Variants in OSBPL10 observed in about 807,000 individuals in gnomAD.
OSBPL10 encodes the protein oxysterol-binding protein-related protein 10.
In OSBPL10, 49 loss-of-function variants were observed where a neutral mutation model predicts 81.7. The observed-to-expected ratio is 0.60, with a 90% confidence interval of 0.48 to 0.76. The LOEUF (loss-of-function observed/expected upper bound fraction) is 0.76. OSBPL10 is among the 30% of genes least tolerant of loss of function. The pLI is 0.00. For missense variants in OSBPL10, 923 were observed against 987.8 expected, an observed-to-expected ratio of 0.93 and a Z score of 0.88; for synonymous variants, 419 against 383.6, an observed-to-expected ratio of 1.09 and a Z score of -1.08.
At position 32,063,517 on chromosome 3, in the gene OSBPL10, A is replaced by C. The variant is rs1441680930; in HGVS notation, n.185+13879T>G. Among the ~76,000 whole-genome samples, 2 of 92,426 alleles carry C rather than the reference A, an allele frequency of 2.2e-5. 1 individual carries two copies. The highest frequency in any genetic ancestry group is 5.0e-4 in the East Asian group (2 of 3,998). 60.6% of individuals were successfully genotyped at this position (92,426 alleles called of 152,430 possible). A position where few individuals can be genotyped will look rare whatever the true frequency, so the allele number is the denominator to read the frequency against. On this transcript the variant is annotated intron_variant and non_coding_transcript_variant, in intron 1 of 3. Transcript: ENST00000479173. ...CTCGTCAAATTTTTAAGGAAGATTC[A>C]GTGCAAATTTGGCCCTGGGCTATCA...
chr3:31,981,263 G>T (rs1472285546), upstream of OSBPL10: 7 of 1,304,366 alleles, frequency 5.4e-6, no homozygotes, highest in East Asian at 1.6e-4. The surrounding 1 kb of genome is among the most constrained non-coding windows in gnomAD (Gnocchi z 4.5). Context: ...AGCTCCGGAC[G>T]CCCGGGCCGC....
intron 1 of OSBPL10, among the ~76,000 whole-genome samples, chr3:31,955,152 T>A (rs928217862): frequency 6.6e-6 from 1 of 152,242 alleles, no homozygotes; most frequent in African/African-American, 2.4e-5. Context: ...CAGCGTGAGC[T>A]GCTCAGACAA....
Position 31,923,527 on chromosome 3 carries a change from T to A in OSBPL10, c.282-43697A>T, listed in dbSNP as rs188436438. On this transcript the variant is annotated intron_variant, in intron 1 of 11. Coordinates refer to ENST00000396556, the MANE Select transcript of OSBPL10 (RefSeq NM_017784.5). ...AGTATGAGCCAGGAGCAGTGGCTCA[T>A]CCCTGTAATCCCAGCACTTTGGGAA... 3.3e-5 allele frequency among the ~76,000 whole-genome samples: 5 copies of A among 152,282 alleles called. No homozygotes were observed. The East Asian group carries it at 9.6e-4, about 29-fold the overall frequency.
intron 1 of OSBPL10, among the ~76,000 whole-genome samples, chr3:31,920,945 C>A (rs1253474700): frequency 6.6e-6 from 1 of 152,108 alleles, no homozygotes; most frequent in Non-Finnish European, 1.5e-5. Context: ...TATGTGTAGC[C>A]TGCAGAACCA....
At chr3:32,054,721 T>G (rs575225213) in intron 1 of OSBPL10, among the ~76,000 whole-genome samples, 1 of 152,010 alleles carries the variant, frequency 6.6e-6, no homozygotes, top group East Asian at 1.9e-4. Context: ...TTAGTAGAGA[T>G]GGGGTTTCAC....
At chr3:31,960,637 T>C (rs981740699) in intron 1 of OSBPL10, among the ~76,000 whole-genome samples, 6 of 152,082 alleles carry the variant, frequency 3.9e-5, no homozygotes, top group Non-Finnish European at 1.5e-5. Flanking sequence ...AAATGGAAGT[T>C]AACCCTTTCT....
chr3:32,029,423 T>C (rs1022039238), intron 2 of OSBPL10, among the ~76,000 whole-genome samples: 6 of 152,196 alleles, frequency 3.9e-5, no homozygotes, highest in African/African-American at 9.6e-5. Context: ...TAATAAACTT[T>C]CACTCCTGCT....
intron 4 of OSBPL10, among the ~76,000 whole-genome samples, chr3:31,810,220 T>C (rs1052947827): frequency 1.3e-5 from 2 of 152,072 alleles, no homozygotes; most frequent in Non-Finnish European, 2.9e-5. Flanking sequence ...GTCAAAACAG[T>C]AAAGCCATAA....
chr3:31,892,172 A>T (rs889503223), intron 1 of OSBPL10, among the ~76,000 whole-genome samples: 2 of 151,874 alleles, frequency 1.3e-5, no homozygotes, highest in African/African-American at 4.8e-5. Flanking sequence ...GAGAGGAGAG[A>T]GTTCCAAGCA....
intron 4 of OSBPL10, among the ~76,000 whole-genome samples, chr3:31,810,970 G>GA (rs1699663770): frequency 6.6e-6 from 1 of 152,162 alleles, no homozygotes; most frequent in Admixed American, 6.5e-5. Context: ...ATTGTTCAGC[G>GA]AGAGTGTCGA....
chr3:31,975,496 A>G (rs1468177828), intron 1 of OSBPL10, among the ~76,000 whole-genome samples: 1 of 152,180 alleles, frequency 6.6e-6, no homozygotes, highest in Admixed American at 6.6e-5. Context: ...GCTAAACACT[A>G]AACACTCAAC....
At chr3:31,939,488 C>T (rs1339344459) in intron 1 of OSBPL10, among the ~76,000 whole-genome samples, 1 of 151,982 alleles carries the variant, frequency 6.6e-6, no homozygotes, top group East Asian at 1.9e-4. Context: ...TCCCCTCAGA[C>T]CTAACGCCTG....
chr3:31,956,735 A>G (rs891321899), intron 1 of OSBPL10, among the ~76,000 whole-genome samples: 1 of 151,962 alleles, frequency 6.6e-6, no homozygotes, highest in Admixed American at 6.6e-5. Context: ...TCTCAAAAAA[A>G]AAAAGGGGGC....
intron 1 of OSBPL10, among the ~76,000 whole-genome samples, chr3:32,067,031 A>G (rs1459758411): frequency 6.6e-6 from 1 of 152,188 alleles, no homozygotes; most frequent in East Asian, 1.9e-4. Flanking sequence ...AGTAACTTGA[A>G]GTGACCTGAT....
At chr3:31,905,707 A>G (rs1017613571) in intron 1 of OSBPL10, among the ~76,000 whole-genome samples, 7 of 152,078 alleles carry the variant, frequency 4.6e-5, no homozygotes, top group African/African-American at 1.7e-4. Context: ...AGAGAGGAGG[A>G]CAAAGATTAA....
At chr3:31,720,253 C>A (rs1696592132) in intron 6 of OSBPL10, among the ~76,000 whole-genome samples, 1 of 152,036 alleles carries the variant, frequency 6.6e-6, no homozygotes, top group South Asian at 2.1e-4. Flanking sequence ...AAACCCTCCT[C>A]CTACTACTGC....
chr3:31,895,772 C>T (rs954520719), intron 1 of OSBPL10, among the ~76,000 whole-genome samples: 16 of 152,166 alleles, frequency 1.1e-4, no homozygotes, highest in African/African-American at 3.9e-4. Flanking sequence ...CTTCAAGAAA[C>T]GTACAGATAT....
intron 4 of OSBPL10, among the ~76,000 whole-genome samples, chr3:31,803,249 C>T (rs1699435275): frequency 6.6e-6 from 1 of 152,204 alleles, no homozygotes; most frequent in Admixed American, 6.5e-5. Flanking sequence ...CCCTTCTCCC[C>T]AGAGAGGCGC....
intron 4 of OSBPL10, among the ~76,000 whole-genome samples, chr3:31,775,477 G>A (rs891152693): frequency 1.4e-5 from 2 of 146,654 alleles, no homozygotes; most frequent in Non-Finnish European, 3.0e-5. Flanking sequence ...TGGATGCCTT[G>A]AAACAGATCA....
Sources: allele counts gnomAD v4.1 joint callset (sites outside exome capture counted in the v4.1 genomes callset), GRCh38; gene constraint gnomAD v4.1.1; non-coding constraint Gnocchi (gnomAD v3.1); transcripts MANE v1.5; gene names NCBI Gene and HGNC (gene_info 2026-07-23, HGNC 2026-07-21).